CNTNAP5: variants seen among roughly 807,000 people sequenced by gnomAD.
CNTNAP5 encodes contactin-associated protein-like 5.
A neutral mutation model predicts 150.2 loss-of-function variants in CNTNAP5; 72 were observed. The ratio of observed to expected loss-of-function variants is 0.48; its 90% CI spans 0.40 to 0.58. The LOEUF (loss-of-function observed/expected upper bound fraction) is 0.58. Among genes scored for constraint, CNTNAP5 ranks in the 20% least tolerant of loss-of-function variants. The probability of loss-of-function intolerance (pLI) is 0.00; values close to 1 mark genes in which losing one functional copy is unlikely to be tolerated. For missense variants in CNTNAP5, 1,636 were observed against 1,626.2 expected, an observed-to-expected ratio of 1.01 and a Z score of -0.10; for synonymous variants, 672 against 619.8, an observed-to-expected ratio of 1.08 and a Z score of -1.25.
At chr2:124,836,070 T>C (rs1682823166) in intron 19 of CNTNAP5, among the ~76,000 whole-genome samples, 1 of 151,896 alleles carries the variant, frequency 6.6e-6, no homozygotes, top group Admixed American at 6.6e-5. Context: ...CTGTGGCCAA[T>C]GGTAAGTGGC....
chr2:124,818,214 C>T (rs578117794), intron 19 of CNTNAP5, among the ~76,000 whole-genome samples: 30 of 152,312 alleles, frequency 2.0e-4, no homozygotes, highest in African/African-American at 6.5e-4. Context: ...ATTTTAGCCT[C>T]ACTTGTCCCT....
intron 1 of CNTNAP5, among the ~76,000 whole-genome samples, chr2:124,039,304 T>C (rs911960580): frequency 6.6e-6 from 1 of 152,182 alleles, no homozygotes; most frequent in Non-Finnish European, 1.5e-5. Context: ...ATTGCCCATA[T>C]ATAGCACAGT....
chr2:124,305,650 G>C (rs975382489), intron 3 of CNTNAP5, among the ~76,000 whole-genome samples: 3 of 152,072 alleles, frequency 2.0e-5, no homozygotes, highest in Admixed American at 2.0e-4. Flanking sequence ...GTCCATTACT[G>C]TTATTTCAAG....
At chr2:124,735,805 G>A (rs555359822) in intron 13 of CNTNAP5, among the ~76,000 whole-genome samples, 1 of 152,182 alleles carries the variant, frequency 6.6e-6, no homozygotes, top group Non-Finnish European at 1.5e-5. Flanking sequence ...AGATGAGAAT[G>A]AGTATCTTCA....
chr2:124,682,944 C>A (rs767707323), intron 13 of CNTNAP5, among the ~76,000 whole-genome samples: 1 of 152,138 alleles, frequency 6.6e-6, no homozygotes, highest in Admixed American at 6.5e-5. Flanking sequence ...TTTACTTACA[C>A]GTAAACAACT....
intron 1 of CNTNAP5, among the ~76,000 whole-genome samples, chr2:124,089,785 T>G (rs1054433150): frequency 6.6e-6 from 1 of 152,242 alleles, no homozygotes; most frequent in Admixed American, 6.5e-5. Context: ...ATCATAGCTC[T>G]GAAGTGAGAA....
At position 124,799,864 on chromosome 2, in the gene CNTNAP5, A is replaced by G. The variant is rs184322753; in HGVS notation, c.3217+1544A>G. 3.9e-5 allele frequency among the ~76,000 whole-genome samples: 6 copies of G among 152,326 alleles called. No homozygotes were observed. The East Asian group carries it at 1.2e-3, about 29-fold the overall frequency. On this transcript the variant is annotated intron_variant, in intron 19 of 23. Coordinates refer to ENST00000682447, the MANE Select transcript of CNTNAP5 (RefSeq NM_001367498.1). ...GAAGGGAAGGAAAATAGACAGAAAT[A>G]GAGACTAGGATGACAATGGCTCATT...
At chr2:124,863,621 A>G (rs1180321210) in intron 19 of CNTNAP5, among the ~76,000 whole-genome samples, 1 of 152,154 alleles carries the variant, frequency 6.6e-6, no homozygotes, top group Non-Finnish European at 1.5e-5. Flanking sequence ...ACATGCATGT[A>G]TTCTGAAATT....
At chr2:124,648,764 T>C (rs6735270) in intron 13 of CNTNAP5, among the ~76,000 whole-genome samples, 71 of 152,332 alleles carry the variant, frequency 4.7e-4, no homozygotes, top group African/African-American at 1.4e-3. Flanking sequence ...TCAGTCATTT[T>C]TTTGTGAATG....
intron 1 of CNTNAP5, among the ~76,000 whole-genome samples, chr2:124,198,107 A>C (rs1685635264): frequency 6.6e-6 from 1 of 151,966 alleles, no homozygotes; most frequent in South Asian, 2.1e-4. Context: ...GGGGTGTGAA[A>C]TGGCATTTCA....
intron 19 of CNTNAP5, among the ~76,000 whole-genome samples, chr2:124,813,069 TTTTTTG>T (rs1476495522): frequency 7.2e-5 from 11 of 151,886 alleles, no homozygotes; most frequent in African/African-American, 1.9e-4. Flanking sequence ...TTTTTTTGCT[TTTTTTG>T]TTTTTGTTTT....
chr2:124,808,978 CT>C lies in CNTNAP5; in HGVS notation c.3217+10669del, dbSNP rs558796084. Reference sequence around the variant, plus strand: ...TGTTCCCAGAGCTCTTATGGTAAGACTTTTTTTTTTTCTCTATACTGGAGAT... The same window carrying C: ...TGTTCCCAGAGCTCTTATGGTAAGACTTTTTTTTTTCTCTATACTGGAGAT... On this transcript the variant is annotated intron_variant, in intron 19 of 23. Coordinates refer to ENST00000682447, the MANE Select transcript of CNTNAP5 (RefSeq NM_001367498.1). 5.6e-3 allele frequency among the ~76,000 whole-genome samples: 819 copies of C among 147,402 alleles called. 9 individuals carry two copies. Among genetic ancestry groups the C allele is most frequent in the African/African-American group, 0.018 (733 of 40,338 alleles).
intron 3 of CNTNAP5, among the ~76,000 whole-genome samples, chr2:124,290,753 T>G (rs1688266284): frequency 6.6e-6 from 1 of 152,166 alleles, no homozygotes; most frequent in Non-Finnish European, 1.5e-5. Context: ...GAGGAACCCA[T>G]GAGTGTTTCA....
intron 11 of CNTNAP5, among the ~76,000 whole-genome samples, chr2:124,583,480 G>T (rs1238988472): frequency 6.6e-6 from 1 of 152,204 alleles, no homozygotes; most frequent in Non-Finnish European, 1.5e-5. Flanking sequence ...AGGGGAAAGA[G>T]ACAGTAGTAT....
chr2:124,414,844 A>AC (rs1423402043), intron 3 of CNTNAP5, among the ~76,000 whole-genome samples: 10 of 152,066 alleles, frequency 6.6e-5, no homozygotes, highest in African/African-American at 9.7e-5. Context: ...AATGCTACAG[A>AC]CCTACGGACT....
intron 19 of CNTNAP5, among the ~76,000 whole-genome samples, chr2:124,862,130 C>A (rs1208439301): frequency 6.6e-6 from 1 of 152,138 alleles, no homozygotes; most frequent in African/African-American, 2.4e-5. Flanking sequence ...TATTTTTAAA[C>A]TAAGTTTTAT....
chr2:124,430,119 C>T (rs1353207148), intron 4 of CNTNAP5, among the ~76,000 whole-genome samples: 5 of 151,912 alleles, frequency 3.3e-5, no homozygotes, highest in Non-Finnish European at 7.4e-5. Flanking sequence ...TAGAGGGAGA[C>T]TAACAGGGAT....
chr2:124,575,947 A>G (rs917480025), intron 11 of CNTNAP5, among the ~76,000 whole-genome samples: 1 of 152,212 alleles, frequency 6.6e-6, no homozygotes, highest in African/African-American at 2.4e-5. Context: ...GCAATCAGGT[A>G]GGAAAACTTC....
chr2:124,544,085 G>C (rs891323752), intron 10 of CNTNAP5, among the ~76,000 whole-genome samples: 6 of 151,984 alleles, frequency 3.9e-5, no homozygotes, highest in African/African-American at 1.5e-4. Context: ...CAAGATTACA[G>C]AGTTGGCAAG....
Sources: gnomAD v4.1 joint callset for allele counts (sites outside exome capture counted in the v4.1 genomes callset) on GRCh38, gnomAD v4.1.1 for gene constraint, MANE v1.5 for transcripts, NCBI Gene and HGNC (gene_info 2026-07-23, HGNC 2026-07-21) for gene names.